RANBP2: variants seen among roughly 807,000 people sequenced by gnomAD.
RANBP2 encodes RAN binding protein 2.
Under a neutral mutation model 303.6 loss-of-function variants are expected in RANBP2, and 57 were observed. That is an observed-to-expected ratio of 0.19 (90% CI 0.15 to 0.23). The LOEUF is 0.23. Ranked by LOEUF, RANBP2 falls within the 10% of genes least tolerant of loss-of-function variation. The pLI, the probability that RANBP2 is intolerant of heterozygous loss-of-function variation, is 1.00. For missense variants in RANBP2, 3,138 were observed against 3,780.8 expected, an observed-to-expected ratio of 0.83 and a Z score of 4.46; for synonymous variants, 1,167 against 1,301.5, an observed-to-expected ratio of 0.90 and a Z score of 2.23.
chr2:109,409,698 G>C, the RANBP2 span, among the ~76,000 whole-genome samples: 1 of 152,026 alleles, frequency 6.6e-6, no homozygotes, highest in African/African-American at 2.4e-5. Flanking sequence ...TGCCCTCCCC[G>C]AGAGGGAGAT....
the RANBP2 span, chr2:108,931,117 T>A: frequency 9.2e-7 from 1 of 1,089,068 alleles, no homozygotes; most frequent in Non-Finnish European, 1.4e-6. Context: ...CCACTGGATA[T>A]AAGGTGCCTT....
At chr2:109,715,805 G>A in the RANBP2 span, among the ~76,000 whole-genome samples, 1 of 152,088 alleles carries the variant, frequency 6.6e-6, no homozygotes, top group Non-Finnish European at 1.5e-5. Context: ...GGCTACCCAG[G>A]GGCCCCAGCC....
the RANBP2 span, among the ~76,000 whole-genome samples, chr2:108,918,984 G>A: frequency 6.6e-6 from 1 of 152,126 alleles, no homozygotes; most frequent in Non-Finnish European, 1.5e-5. Context: ...GCTCAAAGTG[G>A]GGTCCCCTGG....
At chr2:109,646,881 A>G in the RANBP2 span, among the ~76,000 whole-genome samples, 1 of 152,162 alleles carries the variant, frequency 6.6e-6, no homozygotes, top group Non-Finnish European at 1.5e-5. Context: ...TAAAATGGTA[A>G]TTCTATTTTG....
the RANBP2 span, among the ~76,000 whole-genome samples, chr2:109,372,497 T>A: frequency 3.9e-5 from 6 of 152,240 alleles, no homozygotes; most frequent in Non-Finnish European, 7.3e-5. Flanking sequence ...GTGCTTGTTG[T>A]GTGCCAGACA....
chr2:108,733,940 C>T (rs1695369614), intron 4 of RANBP2, among the ~76,000 whole-genome samples: 3 of 151,134 alleles, frequency 2.0e-5, no homozygotes, highest in Admixed American at 1.3e-4. Context: ...CTAAGGTAAA[C>T]AGTTTCTGAC....
the RANBP2 span, among the ~76,000 whole-genome samples, chr2:108,924,093 G>A: frequency 6.6e-6 from 1 of 152,254 alleles, no homozygotes; most frequent in African/African-American, 2.4e-5. Flanking sequence ...ACCCTTGGAA[G>A]TGCAAGCCTT....
chr2:108,966,937 G>A, the RANBP2 span, among the ~76,000 whole-genome samples: 4 of 146,820 alleles, frequency 2.7e-5, no homozygotes, highest in African/African-American at 1.0e-4. Flanking sequence ...TTGTGCATGG[G>A]TTTGTTTGTT....
chr2:109,058,603 A>G, the RANBP2 span, among the ~76,000 whole-genome samples: 1 of 152,238 alleles, frequency 6.6e-6, no homozygotes, highest in Admixed American at 6.5e-5. Flanking sequence ...TTGTGATGCA[A>G]TTCATTAAAC....
chr2:109,639,549 G>A, the RANBP2 span, among the ~76,000 whole-genome samples: 1 of 151,742 alleles, frequency 6.6e-6, no homozygotes, highest in Non-Finnish European at 1.5e-5. Context: ...AACCCAGGAG[G>A]CGTTGGTTGC....
At chr2:109,629,203 AAAATAAAT>A in the RANBP2 span, among the ~76,000 whole-genome samples, 1,297 of 118,388 alleles carry the variant, frequency 0.011, 71 homozygotes, top group East Asian at 0.16. Flanking sequence ...CTCCGTCTCA[AAAATAAAT>A]AAATAAATAA....
the RANBP2 span, among the ~76,000 whole-genome samples, chr2:108,816,844 CCA>C: frequency 6.6e-6 from 1 of 152,116 alleles, no homozygotes; most frequent in African/African-American, 2.4e-5. Flanking sequence ...CAGGTATACA[CCA>C]CCTTGCCAGC....
chr2:109,302,081 C>T, the RANBP2 span, among the ~76,000 whole-genome samples: 2 of 152,326 alleles, frequency 1.3e-5, no homozygotes, highest in Admixed American at 6.5e-5. Context: ...CCCACTGTGT[C>T]TTCTCTCCTC....
chr2:108,927,146 C>T, the RANBP2 span, among the ~76,000 whole-genome samples: 9 of 152,184 alleles, frequency 5.9e-5, no homozygotes, highest in Non-Finnish European at 1.0e-4. Flanking sequence ...CGTCTGCACC[C>T]CTGCGGAGCA....
the RANBP2 span, among the ~76,000 whole-genome samples, chr2:109,226,134 G>A: frequency 2.0e-5 from 3 of 152,190 alleles, no homozygotes; most frequent in Non-Finnish European, 4.4e-5. Flanking sequence ...AATGTCAGAG[G>A]AGGTTGTCCC....
the RANBP2 span, among the ~76,000 whole-genome samples, chr2:109,646,708 G>A: frequency 1.6e-5 from 2 of 126,676 alleles, no homozygotes; most frequent in Admixed American, 1.8e-4. Flanking sequence ...GTTTCACCAT[G>A]TTGGCCAGGC....
chr2:108,954,691 T>C, the RANBP2 span, among the ~76,000 whole-genome samples: 1 of 150,996 alleles, frequency 6.6e-6, no homozygotes, highest in Non-Finnish European at 1.5e-5. Flanking sequence ...TTTTTTTTTT[T>C]CTGAGACAGA....
chr2:109,559,860 G>A, the RANBP2 span, among the ~76,000 whole-genome samples: 1 of 150,772 alleles, frequency 6.6e-6, no homozygotes. Context: ...CCTGTTGCAG[G>A]CCTTCCCTTC....
chr2:109,607,793 C>T, the RANBP2 span, among the ~76,000 whole-genome samples: 1 of 152,086 alleles, frequency 6.6e-6, no homozygotes, highest in African/African-American at 2.4e-5. Context: ...CTGTGTTCAC[C>T]CCTAGGGAAA....
Sources: gnomAD v4.1 joint callset for allele counts (sites outside exome capture counted in the v4.1 genomes callset) on GRCh38, gnomAD v4.1.1 for gene constraint, MANE v1.5 for transcripts, NCBI Gene and HGNC (gene_info 2026-07-23, HGNC 2026-07-21) for gene names.